Variants in ARMC6 observed in about 807,000 individuals in gnomAD.
ARMC6 encodes the protein armadillo repeat containing 6.
In ARMC6, 43 loss-of-function variants were observed where a neutral mutation model predicts 49.2. The ratio of observed to expected loss-of-function variants is 0.87; its 90% CI spans 0.69 to 1.13. ARMC6 has a LOEUF of 1.13. Among genes scored for constraint, ARMC6 ranks in the 50% most tolerant of loss-of-function variants. The probability of loss-of-function intolerance (pLI) is 0.00; values close to 1 mark genes in which losing one functional copy is unlikely to be tolerated. For missense variants in ARMC6, 627 were observed against 682.0 expected (o/e 0.92, Z 0.90); for synonymous variants, 262 against 289.6 (o/e 0.90, Z 0.97).
rs552587191 is a variant in ARMC6 at position 19,038,639 on chromosome 19, G to A, written c.30-4072G>A. Among the ~76,000 whole-genome samples the A allele has an allele frequency of 4.6e-5, 7 of 152,154 alleles. No individual in the cohort carries two copies. The East Asian group carries it at 9.7e-4, about 21-fold the overall frequency. On this transcript the variant is annotated intron_variant, in intron 2 of 8. Coordinates refer to ENST00000535612, the MANE Select transcript of ARMC6 (RefSeq NM_001199196.2). The stretch of plus-strand genomic sequence containing the variant: ...GTTGCCCAGGCTGGAGTGCGATGGC[G>A]TGATCTTGTCTCACTGCAACCTCCA...
chr19:19,033,811 G>C lies in ARMC6; in HGVS notation c.-199G>C, dbSNP rs2059296030. 1 of 255,618 alleles carries C rather than the reference G, an allele frequency of 3.9e-6. No homozygotes were observed. Among genetic ancestry groups the C allele is most frequent in the Non-Finnish European group, 7.5e-6 (1 of 134,034 alleles). The allele number at this position is 255,618 out of a possible 1,614,324, so 15.8% of individuals were successfully genotyped here. On this transcript the variant is annotated 5_prime_UTR_variant, in exon 1 of 9. Coordinates refer to ENST00000535612, the MANE Select transcript of ARMC6 (RefSeq NM_001199196.2). ...ATCGTGAGCGTCCGCGAGTCTCTGG[G>C]AGGCCAAGCCTAGGGGCGCCACAGC...
chr19:19,039,844 G>A (rs2059398106), intron 2 of ARMC6, among the ~76,000 whole-genome samples: 1 of 152,116 alleles, frequency 6.6e-6, no homozygotes, highest in African/African-American at 2.4e-5. Flanking sequence ...AAAACTCTGG[G>A]TGTTTGTCCT....
chr19:19,043,046 T>C (rs2059422787), intron 3 of ARMC6, among the ~76,000 whole-genome samples, 169 bp downstream of exon 3: 1 of 152,164 alleles, frequency 6.6e-6, no homozygotes, highest in African/African-American at 2.4e-5. Flanking sequence ...GTTATCCTGC[T>C]CCCACCTCTC....
At chr19:19,034,371 C>A in intron 2 of ARMC6, 133 bp downstream of exon 2, 2 of 1,173,354 alleles carry the variant, frequency 1.7e-6, no homozygotes, top group East Asian at 2.6e-5. Flanking sequence ...ACTTGGAAGG[C>A]TTAGATAGAG....
chr19:19,051,313 T>C (rs75037518), intron 4 of ARMC6, among the ~76,000 whole-genome samples: 2,438 of 152,256 alleles, frequency 0.016, 60 homozygotes, highest in African/African-American at 0.055. Flanking sequence ...TTAATATGTC[T>C]GCATTTATGT....
Position 19,033,740 on chromosome 19 carries a change from G to A in ARMC6, c.-270G>A, listed in dbSNP as rs927550719. The A allele has an allele frequency of 6.5e-5, 17 of 260,736 alleles. No homozygotes were observed. The highest frequency in any genetic ancestry group is 8.7e-5 in the Non-Finnish European group (12 of 138,004). 16.2% of individuals were successfully genotyped at this position (260,736 alleles called of 1,614,324 possible). A position where few individuals can be genotyped will look rare whatever the true frequency, so the allele number is the denominator to read the frequency against. The stretch of plus-strand genomic sequence containing the variant: ...CGGCAAAGACGCCTCCGTCGCGCAC[G>A]AGGTGGCCTCGTTGGCTTTACCTTG... On this transcript the variant is annotated 5_prime_UTR_variant, in exon 1 of 9. Transcript: ENST00000535612.
intron 4 of ARMC6, among the ~76,000 whole-genome samples, chr19:19,050,199 C>T (rs757861362): frequency 4.6e-5 from 7 of 152,084 alleles, no homozygotes; most frequent in Non-Finnish European, 8.8e-5. Context: ...GAGACAGAGT[C>T]TCTCTCTGTC....
At chr19:19,041,391 C>T (rs2059410554) in intron 2 of ARMC6, among the ~76,000 whole-genome samples, 1 of 152,008 alleles carries the variant, frequency 6.6e-6, no homozygotes, top group South Asian at 2.1e-4. Flanking sequence ...CTCTGTTGCC[C>T]AGGCTGGTGT....
chr19:19,044,802 G>T (rs563694942), intron 4 of ARMC6, among the ~76,000 whole-genome samples: 2 of 152,278 alleles, frequency 1.3e-5, no homozygotes, highest in African/African-American at 4.8e-5. Context: ...TCATTGACAT[G>T]GGAGCAGGAG....
At chr19:19,038,097 G>T (rs983214285) in intron 2 of ARMC6, among the ~76,000 whole-genome samples, 2 of 152,200 alleles carry the variant, frequency 1.3e-5, no homozygotes, top group Admixed American at 1.3e-4. Context: ...AGCGATTTAG[G>T]TTGGGCACTC....
In ARMC6 at chr19:19,053,397, G is replaced by A. The variant is rs2059515169; in HGVS notation, c.854-755G>A. Among the ~76,000 whole-genome samples the A allele has an allele frequency of 2.0e-5, 3 of 152,152 alleles. No homozygotes were observed. In the South Asian group the frequency reaches 6.2e-4, roughly 32 times the overall value. On this transcript the variant is annotated intron_variant, in intron 5 of 8. Coordinates refer to ENST00000535612, the MANE Select transcript of ARMC6 (RefSeq NM_001199196.2). ...AGTTACTTGAGAGGCTGAGGCACAAGGATCTCTTGAGCCTAGGAAGGAGAA... is the reference window on the plus strand; with the variant it reads ...AGTTACTTGAGAGGCTGAGGCACAAAGATCTCTTGAGCCTAGGAAGGAGAA...
intron 5 of ARMC6, among the ~76,000 whole-genome samples, chr19:19,052,492 G>A (rs2059507577): frequency 6.6e-6 from 1 of 152,184 alleles, no homozygotes; most frequent in African/African-American, 2.4e-5. Flanking sequence ...AGTGGGGAAG[G>A]GGGACCTCCC....
At chr19:19,047,538 T>G (rs1009131320) in intron 4 of ARMC6, among the ~76,000 whole-genome samples, 2 of 152,144 alleles carry the variant, frequency 1.3e-5, no homozygotes, top group Non-Finnish European at 2.9e-5. Context: ...TGAAAGGCAT[T>G]AGTCACAGAG....
At chr19:19,046,692 A>G (rs2059453307) in intron 4 of ARMC6, among the ~76,000 whole-genome samples, 1 of 147,530 alleles carries the variant, frequency 6.8e-6, no homozygotes, top group African/African-American at 2.5e-5. Context: ...ATGGGATTTC[A>G]CCACATTGGA....
Position 19,045,490 on chromosome 19 carries a change from A to ATTCTTTTTTTTTTTTTTTT in ARMC6, c.279+1430_279+1431insTTTTTTTCTTTTTTTTTTT. 1.1e-4 allele frequency among the ~76,000 whole-genome samples: 3 copies of ATTCTTTTTTTTTTTTTTTT among 28,234 alleles called. 1 individual carries two copies. The East Asian group carries it at 4.6e-3, about 44-fold the overall frequency. 18.5% of individuals were successfully genotyped at this position (28,234 alleles called of 152,430 possible). ...TCTTAAGTGCTCAGCATTATGCTAA[A>ATTCTTTTTTTTTTTTTTTT]TTCTTTTTTTTTTTGAGACAAGAGT... On this transcript the variant is annotated intron_variant, in intron 4 of 8. Coordinates refer to ENST00000535612, the MANE Select transcript of ARMC6 (RefSeq NM_001199196.2).
chr19:19,035,765 T>G (rs1186322280), intron 2 of ARMC6, among the ~76,000 whole-genome samples: 1 of 59,596 alleles, frequency 1.7e-5, no homozygotes, highest in Non-Finnish European at 3.3e-5. Context: ...CAGGTGTCAA[T>G]CAGTTAGAAA....
At chr19:19,036,332 G>C (rs2059367561) in intron 2 of ARMC6, among the ~76,000 whole-genome samples, 2 of 152,188 alleles carry the variant, frequency 1.3e-5, no homozygotes, top group South Asian at 4.1e-4. Context: ...AAAATGCTGG[G>C]ATTACAGGCA....
chr19:19,052,182 C>G lies in ARMC6; in HGVS notation c.840C>G (p.Ile280Met). 1.2e-6 allele frequency: 2 copies of G among 1,600,244 alleles called. No homozygotes were observed. Among genetic ancestry groups the G allele is most frequent in the Non-Finnish European group, 1.7e-6 (2 of 1,173,042 alleles). The change falls in exon 5 of 9, where the codon ATC (isoleucine) becomes ATG (methionine). Residue 280 changes from isoleucine to methionine, a missense_variant. Physicochemically the swap from Ile to Met is conservative, Grantham distance 10. Coordinates refer to ENST00000535612, the MANE Select transcript of ARMC6 (RefSeq NM_001199196.2). The part of the protein sequence containing the change: ...VQENKGLKVL[I>M]EATKAFLDNP... ...AGAACAAAGGCTTGAAGGTGCTCATCGAAGCCACCAAAGGTAAGAGCTGGG... is the reference window on the plus strand; with the variant it reads ...AGAACAAAGGCTTGAAGGTGCTCATGGAAGCCACCAAAGGTAAGAGCTGGG...
In ARMC6 at chr19:19,042,897, A is replaced by G. The variant is rs2059421528; in HGVS notation, c.196+20A>G. Reference sequence around the variant, plus strand: ...CGCAAGGTAGGGTGGTGTGACTGTCACCTACCATCCTTGGCTCTTAGATGC... The same window carrying G: ...CGCAAGGTAGGGTGGTGTGACTGTCGCCTACCATCCTTGGCTCTTAGATGC... On this transcript the variant is annotated intron_variant, in intron 3 of 8. Transcript: ENST00000535612. The G allele has an allele frequency of 6.2e-7, 1 of 1,612,520 alleles. No individual in the cohort carries two copies. The highest frequency in any genetic ancestry group is 8.5e-7 in the Non-Finnish European group (1 of 1,179,500).
Sources: gnomAD v4.1 joint callset for allele counts (sites outside exome capture counted in the v4.1 genomes callset) on GRCh38, gnomAD v4.1.1 for gene constraint, MANE v1.5 for transcripts, NCBI Gene and HGNC (gene_info 2026-07-23, HGNC 2026-07-21) for gene names.